Variants in PTPN9 observed in about 807,000 individuals in gnomAD.
PTPN9 encodes tyrosine-protein phosphatase non-receptor type 9.
A neutral mutation model predicts 69.8 loss-of-function variants in PTPN9; 26 were observed. The observed-to-expected ratio is 0.37, with a 90% CI of 0.27 to 0.52. The LOEUF is 0.52. Ranked by LOEUF, PTPN9 falls within the 20% of genes least tolerant of loss-of-function variation. The probability of loss-of-function intolerance (pLI) is 0.91; values close to 1 mark genes in which losing one functional copy is unlikely to be tolerated. For missense variants in PTPN9, 549 were observed against 740.3 expected (o/e 0.74, Z 3.00); for synonymous variants, 274 against 272.5 (o/e 1.01, Z -0.05).
Position 75,508,987 on chromosome 15 carries a change from C to T in PTPN9, c.569G>A (p.Gly190Glu). 1 of 1,614,058 alleles carries T rather than the reference C, an allele frequency of 6.2e-7. No homozygotes were observed. The highest frequency in any genetic ancestry group is 1.1e-5 in the South Asian group (1 of 91,074). Residue 190 changes from glycine to glutamate, a missense_variant, in exon 6 of 13, where the codon GGG (glycine) becomes GAG (glutamate). Around this residue, in one of 3 missense-constraint regions of PTPN9, gnomAD observed 457 missense variants for 661.9 expected, o/e 0.69. Coordinates refer to ENST00000618819, the MANE Select transcript of PTPN9 (RefSeq NM_002833.4). ...GGGCACTCGGAACCATATGGGTGCC[C>T]CCACAATCAGCACCTTCTTCAAACG... is the stretch of plus-strand genomic sequence containing the variant. ...PARLKKVLIVGAPIWFRVPYS... is the reference protein window; with the variant it reads ...PARLKKVLIVEAPIWFRVPYS...
chr15:75,531,248 G>A (rs2074962882), intron 1 of PTPN9, among the ~76,000 whole-genome samples: 2 of 151,948 alleles, frequency 1.3e-5, no homozygotes, highest in African/African-American at 4.8e-5. Context: ...TACACCATTG[G>A]AGAAGGAAAG....
intron 1 of PTPN9, among the ~76,000 whole-genome samples, chr15:75,536,885 A>G (rs921534144): frequency 3.3e-5 from 5 of 152,242 alleles, no homozygotes; most frequent in African/African-American, 1.2e-4. Flanking sequence ...GACAGGGATC[A>G]TATCTATTTT....
At chr15:75,558,021 C>A (rs1388402570) in intron 1 of PTPN9, among the ~76,000 whole-genome samples, 1 of 151,982 alleles carries the variant, frequency 6.6e-6, no homozygotes, top group African/African-American at 2.4e-5. Flanking sequence ...ATGCCAAAAC[C>A]TCATCTGTAC....
At chr15:75,532,456 G>A (rs2074967895) in intron 1 of PTPN9, among the ~76,000 whole-genome samples, 1 of 151,804 alleles carries the variant, frequency 6.6e-6, no homozygotes, top group South Asian at 2.1e-4. Context: ...GTCCTAATAA[G>A]AGAAAGGCAT....
chr15:75,530,713 A>T lies in PTPN9; in HGVS notation c.64-3452T>A, dbSNP rs28696755. On this transcript the variant is annotated intron_variant, in intron 1 of 12. Transcript: ENST00000618819. The stretch of plus-strand genomic sequence containing the variant: ...TATAATATATATAATATATATTATT[A>T]TATAATATATATAATATATATTATT... 2.3e-3 allele frequency among the ~76,000 whole-genome samples: 45 copies of T among 19,566 alleles called. 3 individuals are homozygous for T. The highest frequency in any genetic ancestry group is 3.0e-3 in the Non-Finnish European group (42 of 14,044). 12.8% of individuals were successfully genotyped at this position (19,566 alleles called of 152,430 possible).
At position 75,488,268 on chromosome 15, in the gene PTPN9, C is replaced by T. The variant is rs774929354; in HGVS notation, c.1062+1940G>A. 5.9e-5 allele frequency among the ~76,000 whole-genome samples: 9 copies of T among 151,546 alleles called. No individual in the cohort carries two copies. The East Asian group carries it at 1.2e-3, about 20-fold the overall frequency. On this transcript the variant is annotated intron_variant, in intron 8 of 12. Transcript: ENST00000618819. ...TGCACTCCAGCCTGGACAACAAGAG[C>T]GAAACTCTGTCTCAAAATAAATAAA...
At chr15:75,510,532 C>T (rs567866451) in intron 5 of PTPN9, among the ~76,000 whole-genome samples, 1 of 152,294 alleles carries the variant, frequency 6.6e-6, no homozygotes, top group East Asian at 1.9e-4. Flanking sequence ...GCCACTGCTC[C>T]TGGCGTGAAG....
chr15:75,556,358 G>A (rs944768453), intron 1 of PTPN9, among the ~76,000 whole-genome samples: 6 of 148,682 alleles, frequency 4.0e-5, no homozygotes, highest in African/African-American at 7.4e-5. Flanking sequence ...CCACTGCACC[G>A]GCCTTTTTTT....
chr15:75,488,163 C>T (rs1006073412), intron 8 of PTPN9, among the ~76,000 whole-genome samples: 9 of 152,084 alleles, frequency 5.9e-5, no homozygotes, highest in African/African-American at 2.2e-4. Context: ...CACCTGTAAT[C>T]CCAGCTACTC....
intron 1 of PTPN9, among the ~76,000 whole-genome samples, chr15:75,557,770 A>AGAG: frequency 6.6e-6 from 1 of 152,206 alleles, no homozygotes; most frequent in Non-Finnish European, 1.5e-5. Context: ...TGACAACATG[A>AGAG]GAGGTTCTGA....
At chr15:75,556,673 G>T (rs188270547) in intron 1 of PTPN9, among the ~76,000 whole-genome samples, 23 of 152,176 alleles carry the variant, frequency 1.5e-4, no homozygotes, top group Admixed American at 1.5e-3. Flanking sequence ...CACCACACCT[G>T]GCCGCATTTT....
At chr15:75,518,544 G>A (rs1328580027) in intron 4 of PTPN9, among the ~76,000 whole-genome samples, 1 of 151,762 alleles carries the variant, frequency 6.6e-6, no homozygotes, top group African/African-American at 2.4e-5. Context: ...ATGGCTGGGT[G>A]TGGTGGCTCA....
At chr15:75,560,067 G>C (rs2075097772) in intron 1 of PTPN9, among the ~76,000 whole-genome samples, 1 of 151,724 alleles carries the variant, frequency 6.6e-6, no homozygotes, top group Non-Finnish European at 1.5e-5. Flanking sequence ...TTGAATCTGG[G>C]AGGCGGAGGT....
At chr15:75,474,531 A>G (rs1567463414) in intron 9 of PTPN9, among the ~76,000 whole-genome samples, 1 of 152,104 alleles carries the variant, frequency 6.6e-6, no homozygotes, top group African/African-American at 2.4e-5. Flanking sequence ...AAAAAAAAAA[A>G]ATTAGCTTTA....
chr15:75,478,297 G>C (rs1456822856), intron 9 of PTPN9, among the ~76,000 whole-genome samples: 1 of 152,016 alleles, frequency 6.6e-6, no homozygotes, highest in African/African-American at 2.4e-5. Flanking sequence ...TAGAAACGTG[G>C]TTTCTCCATG....
intron 7 of PTPN9, among the ~76,000 whole-genome samples, chr15:75,501,101 A>G (rs1302592948): frequency 2.0e-5 from 3 of 151,876 alleles, no homozygotes; most frequent in Non-Finnish European, 4.4e-5. Flanking sequence ...AGTGCCTCTT[A>G]TCTCTTACTT....
At chr15:75,483,817 C>T (rs529572165) in intron 8 of PTPN9, among the ~76,000 whole-genome samples, 2 of 152,332 alleles carry the variant, frequency 1.3e-5, no homozygotes, top group African/African-American at 2.4e-5. Flanking sequence ...AACTGACAAA[C>T]TGCATCTGCC....
rs1396841540 is a variant in PTPN9, at chr15:75,505,253, AAGGCAGCATGC to A, written c.968+411_968+421del. ...ATGTGCTTTGTTAAACAGATGCTTGAAGGCAGCATGCTCGTTAAGAATCATCACCACTCCCT... is the reference window on the plus strand; with the variant it reads ...ATGTGCTTTGTTAAACAGATGCTTGATCGTTAAGAATCATCACCACTCCCT... On this transcript the variant is annotated intron_variant, in intron 7 of 12. Transcript: ENST00000618819. Among the ~76,000 whole-genome samples, 412 of 150,056 alleles carry A rather than the reference AAGGCAGCATGC, an allele frequency of 2.7e-3. 2 individuals carry two copies. Among genetic ancestry groups the A allele is most frequent in the African/African-American group, 9.6e-3 (390 of 40,682 alleles).
At chr15:75,507,165 C>G (rs1024636357) in intron 6 of PTPN9, among the ~76,000 whole-genome samples, 2 of 152,176 alleles carry the variant, frequency 1.3e-5, no homozygotes. Context: ...ATCTCTCCAG[C>G]TGGCACGGTG....
Sources: allele counts gnomAD v4.1 joint callset (sites outside exome capture counted in the v4.1 genomes callset), GRCh38; gene constraint gnomAD v4.1.1; regional missense constraint gnomAD v4.1.1; transcripts MANE v1.5; gene names NCBI Gene and HGNC (gene_info 2026-07-23, HGNC 2026-07-21).